SOX6: variants seen among roughly 807,000 people sequenced by gnomAD.
The protein encoded by SOX6 is SRY-box transcription factor 6, also known as transcription factor SOX-6.
A neutral mutation model predicts 97.8 loss-of-function variants in SOX6; 11 were observed. That is an observed-to-expected ratio of 0.11 (90% CI 0.07 to 0.19). SOX6 has a LOEUF of 0.19. Among genes scored for constraint, SOX6 ranks in the 10% least tolerant of loss-of-function variants. The pLI, the probability that SOX6 is intolerant of heterozygous loss-of-function variation, is 1.00. For synonymous variants in SOX6, 360 were observed against 371.4 expected (o/e 0.97, Z 0.35); for missense variants, 810 against 1,039.5 (o/e 0.78, Z 3.04).
chr11:16,250,309 T>A (rs570465757), intron 3 of SOX6, among the ~76,000 whole-genome samples: 19 of 152,034 alleles, frequency 1.2e-4, no homozygotes, highest in Non-Finnish European at 2.5e-4. Context: ...TAATAGAATA[T>A]CAAGGCTAAA....
At chr11:16,408,952 AAGG>A (rs1246433679) in intron 1 of SOX6, 1 of 152,174 alleles carries the variant, frequency 6.6e-6, no homozygotes, top group African/African-American at 2.4e-5. Context: ...GTGGGACCTG[AAGG>A]AGAAGTTCTA....
intron 3 of SOX6, among the ~76,000 whole-genome samples, chr11:16,630,862 T>C (rs1323900953): frequency 2.0e-5 from 3 of 152,224 alleles, no homozygotes; most frequent in Non-Finnish European, 4.4e-5. Flanking sequence ...TTTTTTACTA[T>C]GGTTGGCTTG....
rs76043695 is a variant in SOX6, at chr11:16,715,049, A to G, written n.354-144T>C. On this transcript the variant is annotated intron_variant and non_coding_transcript_variant, in intron 2 of 5. Transcript: ENST00000524520. ...TGGAATGTTACTAAAAGCATGAGTA[A>G]ATCATGTTTACCTTGTACAGCATGG... 2.1e-4 allele frequency: 32 copies of G among 152,316 alleles called. No individual in the cohort carries two copies. In the East Asian group the frequency reaches 6.0e-3, roughly 28 times the overall value. The allele number at this position is 152,316 out of a possible 1,614,324, so 9.4% of individuals were successfully genotyped here. A position where few individuals can be genotyped will look rare whatever the true frequency, so the allele number is the denominator to read the frequency against.
At chr11:16,023,649 CA>C (rs1317404837) in intron 12 of SOX6, among the ~76,000 whole-genome samples, 1 of 152,036 alleles carries the variant, frequency 6.6e-6, no homozygotes, top group Non-Finnish European at 1.5e-5. Flanking sequence ...ACCATCTCCA[CA>C]AAAAATATCC....
intron 6 of SOX6, among the ~76,000 whole-genome samples, chr11:16,170,566 T>C (rs1273829020): frequency 6.6e-6 from 1 of 152,002 alleles, no homozygotes; most frequent in African/African-American, 2.4e-5. Context: ...CCAGCTGCTT[T>C]TAAACCTAGC....
At chr11:16,157,787 G>A (rs1200830804) in intron 6 of SOX6, among the ~76,000 whole-genome samples, 3 of 151,988 alleles carry the variant, frequency 2.0e-5, no homozygotes, top group Non-Finnish European at 4.4e-5. Context: ...AACATGCAAT[G>A]TTCTTCATCT....
intron 3 of SOX6, among the ~76,000 whole-genome samples, chr11:16,261,800 A>C (rs1036901861): frequency 1.3e-5 from 2 of 152,112 alleles, no homozygotes; most frequent in African/African-American, 4.8e-5. Context: ...TATCAATTTT[A>C]ACCTGTATTC....
rs1218515106 is a variant in SOX6, at chr11:16,610,738, C to A, written n.609+1343G>T. Reference sequence around the variant, plus strand: ...ACACGTGGCCCTGGGGGCGGGGGTGCCATCTAAGGGTTTCCTCTAAAGCCT... The same window carrying A: ...ACACGTGGCCCTGGGGGCGGGGGTGACATCTAAGGGTTTCCTCTAAAGCCT... On this transcript the variant is annotated intron_variant and non_coding_transcript_variant, in intron 4 of 5. Coordinates refer to the SOX6 transcript ENST00000524520. This position sits in a 1 kb window ranked among gnomAD's most constrained non-coding sequence, Gnocchi z 4.4. 6.6e-6 allele frequency among the ~76,000 whole-genome samples: 1 copy of A among 152,118 alleles called. No individual in the cohort carries two copies. Among genetic ancestry groups the A allele is most frequent in the Non-Finnish European group, 1.5e-5 (1 of 68,016 alleles).
At chr11:16,525,652 A>G (rs1375293647) in intron 4 of SOX6, among the ~76,000 whole-genome samples, 1 of 151,874 alleles carries the variant, frequency 6.6e-6, no homozygotes, top group Non-Finnish European at 1.5e-5. Flanking sequence ...TAAACTAAAG[A>G]GCTTCTGCAC....
At chr11:16,500,107 C>T (rs1235060345) in intron 4 of SOX6, among the ~76,000 whole-genome samples, 1 of 152,134 alleles carries the variant, frequency 6.6e-6, no homozygotes, top group Non-Finnish European at 1.5e-5. Flanking sequence ...AAAAGCTTAT[C>T]CACCATGATC....
At chr11:16,096,326 G>GAAGAT (rs1848793283) in intron 8 of SOX6, among the ~76,000 whole-genome samples, 1 of 151,788 alleles carries the variant, frequency 6.6e-6, no homozygotes, top group African/African-American at 2.4e-5. Context: ...TCTGACTCAA[G>GAAGAT]AAGATACTCA....
rs576925082 is a variant in SOX6, at chr11:16,605,019, C to T, written n.609+7062G>A. ...AGCAGCCTTTGCACAAGCCCTTTCCCTTCTCTGCCCGGCCCTTTAAGGGAG... is the reference window on the plus strand; with the variant it reads ...AGCAGCCTTTGCACAAGCCCTTTCCTTTCTCTGCCCGGCCCTTTAAGGGAG... On this transcript the variant is annotated intron_variant and non_coding_transcript_variant, in intron 4 of 5. Transcript: ENST00000524520. The surrounding 1 kb of genome is among the most constrained non-coding windows in gnomAD (Gnocchi z 5.3). Among the ~76,000 whole-genome samples the T allele has an allele frequency of 2.8e-4, 42 of 152,274 alleles. No individual in the cohort carries two copies. Among genetic ancestry groups the T allele is most frequent in the Non-Finnish European group, 5.3e-4 (36 of 68,014 alleles).
chr11:16,178,089 A>G (rs1851247712), intron 6 of SOX6, among the ~76,000 whole-genome samples: 1 of 151,966 alleles, frequency 6.6e-6, no homozygotes, highest in African/African-American at 2.4e-5. Context: ...CCATAAGGCC[A>G]CACTCGGAAA....
chr11:16,133,126 A>G (rs1054012715), intron 6 of SOX6, among the ~76,000 whole-genome samples: 2 of 152,244 alleles, frequency 1.3e-5, no homozygotes, highest in African/African-American at 4.8e-5. Flanking sequence ...TAAAGTGCTT[A>G]GTACATAGTG....
chr11:16,109,434 G>T (rs1280387029), intron 7 of SOX6, among the ~76,000 whole-genome samples: 1 of 151,948 alleles, frequency 6.6e-6, no homozygotes, highest in Non-Finnish European at 1.5e-5. Flanking sequence ...TCCTGGGCTT[G>T]AGTGATCCTC....
At chr11:16,490,840 C>T (rs75304067) in intron 4 of SOX6, among the ~76,000 whole-genome samples, 4,916 of 152,038 alleles carry the variant, frequency 0.032, 253 homozygotes, top group African/African-American at 0.11. Context: ...ATATCATCAA[C>T]AAATTTGACC....
At chr11:16,521,212 C>A (rs1487907872) in intron 4 of SOX6, among the ~76,000 whole-genome samples, 2 of 152,194 alleles carry the variant, frequency 1.3e-5, no homozygotes, top group Non-Finnish European at 2.9e-5. Context: ...CCCCGAGCAG[C>A]CTAACTGGGA....
chr11:16,358,158 G>C (rs1423397157), upstream of SOX6, among the ~76,000 whole-genome samples: 2 of 152,156 alleles, frequency 1.3e-5, no homozygotes, highest in Non-Finnish European at 2.9e-5. Flanking sequence ...CAGAGCCATA[G>C]TGAACAAAAG....
intron 4 of SOX6, among the ~76,000 whole-genome samples, chr11:16,225,586 G>A (rs970993159): frequency 2.6e-5 from 4 of 151,952 alleles, no homozygotes; most frequent in Non-Finnish European, 5.9e-5. Context: ...GAACAAACTA[G>A]GAGAGAGAAC....
Sources: gnomAD v4.1 joint callset for allele counts (sites outside exome capture counted in the v4.1 genomes callset) on GRCh38, gnomAD v4.1.1 for gene constraint, Gnocchi (gnomAD v3.1) non-coding constraint, MANE v1.5 for transcripts, NCBI Gene and HGNC (gene_info 2026-07-23, HGNC 2026-07-21) for gene names.